The following RGL1 variants were observed in gnomAD, a reference collection of about 807,000 sequenced individuals.
RGL1 encodes ral guanine nucleotide dissociation stimulator like 1, also known as ral guanine nucleotide dissociation stimulator-like 1.
A neutral mutation model predicts 95.2 loss-of-function variants in RGL1; 24 were observed. That is an observed-to-expected ratio of 0.25 (90% CI 0.18 to 0.35). The LOEUF is 0.35. Among genes scored for constraint, RGL1 ranks in the 10% least tolerant of loss-of-function variants. RGL1 has a pLI of 1.00. For missense variants in RGL1, 715 were observed against 936.3 expected, an observed-to-expected ratio of 0.76 and a Z score of 3.08; for synonymous variants, 329 against 344.9, an observed-to-expected ratio of 0.95 and a Z score of 0.51.
chr1:183,900,027 AG>A, intron 10 of RGL1, 122 bp from the exon 11 acceptor site: 1 of 616,904 alleles, frequency 1.6e-6, no homozygotes, highest in South Asian at 2.1e-5. Flanking sequence ...TTATTCATGG[AG>A]GTTAGCACCA....
In RGL1 at chr1:183,662,272, T is replaced by C. The variant is rs1436144882; in HGVS notation, c.-33+25771T>C. Among the ~76,000 whole-genome samples the C allele has an allele frequency of 2.0e-5, 3 of 150,526 alleles. No individual in the cohort carries two copies. In the East Asian group the frequency reaches 5.8e-4, roughly 29 times the overall value. On this transcript the variant is annotated intron_variant, in intron 1 of 18. Transcript: ENST00000304685. ...ATTAGGAAAAGATGAAGTCAAATTGTCCCTGTTTGCAGATGACATGATTGT... is the reference window on the plus strand; with the variant it reads ...ATTAGGAAAAGATGAAGTCAAATTGCCCCTGTTTGCAGATGACATGATTGT...
At chr1:183,805,966 CTTTTCTTTTTTTTTTTTTTTTTTTTTTT>C (rs1661279915) in intron 1 of RGL1, among the ~76,000 whole-genome samples, 1 of 28,402 alleles carries the variant, frequency 3.5e-5, no homozygotes, top group Non-Finnish European at 7.8e-5. Flanking sequence ...TTTTTCTTTT[CTTTTCTTTTTTTTTTTTTTTTTTTTTTT>C]TTTTTTTTTT....
In RGL1 at chr1:183,928,489, C is replaced by T. The variant is rs184230406; in HGVS notation, c.*2197C>T. On this transcript the variant is annotated 3_prime_UTR_variant, in exon 18 of 18. Transcript: ENST00000360851. ...TTTACCTTTTGGTTAAACTAATAAA[C>T]TAGTTTGGGACTTGGCTGGCATGTG... 1 of 152,628 alleles carries T rather than the reference C, an allele frequency of 6.6e-6. No individual in the cohort carries two copies. The highest frequency in any genetic ancestry group is 1.9e-4 in the East Asian group (1 of 5,178). The allele number at this position is 152,628 out of a possible 1,614,324, so 9.5% of individuals were successfully genotyped here.
chr1:183,671,801 A>G (rs1652472913), intron 1 of RGL1, among the ~76,000 whole-genome samples: 1 of 152,202 alleles, frequency 6.6e-6, no homozygotes, highest in Non-Finnish European at 1.5e-5. Flanking sequence ...CTGTAGACTC[A>G]GTAGGGCATA....
At chr1:183,636,254 G>A (rs1196193433) in exon 1 of RGL1, 1 of 398,986 alleles carries the variant, frequency 2.5e-6, no homozygotes, top group East Asian at 3.6e-5. Context: ...CGAGTGCCCT[G>A]CAGTTGGTAG....
chr1:183,881,428 T>C (rs1666821869), intron 5 of RGL1, among the ~76,000 whole-genome samples: 1 of 152,232 alleles, frequency 6.6e-6, no homozygotes, highest in African/African-American at 2.4e-5. Flanking sequence ...ATTAACTTCC[T>C]ATTTGCAAGG....
chr1:183,719,655 C>T (rs1655870520), intron 1 of RGL1, among the ~76,000 whole-genome samples: 1 of 152,182 alleles, frequency 6.6e-6, no homozygotes, highest in Non-Finnish European at 1.5e-5. Flanking sequence ...CCTACAATCC[C>T]AGCACTTTGG....
In RGL1 at chr1:183,724,337, C is replaced by T. The variant is rs1028044212; in HGVS notation, c.-32-17789C>T. On this transcript the variant is annotated intron_variant, in intron 1 of 18. Coordinates refer to the RGL1 transcript ENST00000304685. The surrounding 1 kb of genome is among the most constrained non-coding windows in gnomAD (Gnocchi z 4.1). ...AGCTTAGGTACCAGCTCAGCCACAG[C>T]AGGGTAGAGCACTAAGTGGGCTCTT... Among the ~76,000 whole-genome samples, 1 of 152,154 alleles carries T rather than the reference C, an allele frequency of 6.6e-6. No homozygotes were observed. The highest frequency in any genetic ancestry group is 2.4e-5 in the African/African-American group (1 of 41,428).
chr1:183,768,856 T>A (rs927659419), intron 2 of RGL1, among the ~76,000 whole-genome samples: 1 of 152,234 alleles, frequency 6.6e-6, no homozygotes, highest in Admixed American at 6.5e-5. Flanking sequence ...TTATTCTTAG[T>A]ATCCTTAAGT....
chr1:183,872,128 TA>T (rs896319279), intron 4 of RGL1, among the ~76,000 whole-genome samples: 2 of 152,234 alleles, frequency 1.3e-5, no homozygotes, highest in Non-Finnish European at 1.5e-5. Context: ...TTTTACACGA[TA>T]AAATGCTATC....
intron 2 of RGL1, among the ~76,000 whole-genome samples, chr1:183,762,007 C>A (rs1658690602): frequency 1.3e-5 from 2 of 152,192 alleles, no homozygotes. Context: ...GGGCTTTGCT[C>A]TGGATTAGGC....
intron 1 of RGL1, among the ~76,000 whole-genome samples, chr1:183,691,575 A>G (rs1653946797): frequency 6.6e-6 from 1 of 152,244 alleles, no homozygotes; most frequent in Non-Finnish European, 1.5e-5. Context: ...AAGTTTATGC[A>G]AACGAATAAT....
At chr1:183,913,019 T>G (rs1368896604) in intron 15 of RGL1, among the ~76,000 whole-genome samples, 1 of 152,016 alleles carries the variant, frequency 6.6e-6, no homozygotes, top group East Asian at 1.9e-4. Context: ...CAGGGGAAGA[T>G]GAGGGATTGG....
chr1:183,925,669 T>C (rs1669574343), intron 17 of RGL1, among the ~76,000 whole-genome samples: 1 of 152,226 alleles, frequency 6.6e-6, no homozygotes, highest in Non-Finnish European at 1.5e-5. Flanking sequence ...TTCTGTTTTT[T>C]CTATGTCATT....
chr1:183,827,860 TA>T (rs1269847284), intron 2 of RGL1, among the ~76,000 whole-genome samples: 1 of 152,238 alleles, frequency 6.6e-6, no homozygotes, highest in Admixed American at 6.5e-5. Flanking sequence ...GTCCCCACTT[TA>T]ATTAGAATGA....
chr1:183,797,555 C>T (rs1454999132), intron 2 of RGL1, among the ~76,000 whole-genome samples: 1 of 152,146 alleles, frequency 6.6e-6, no homozygotes, highest in African/African-American at 2.4e-5. Flanking sequence ...AATAACAGAG[C>T]ATTGAGAATT....
At chr1:183,862,455 T>G (rs1665569215) in intron 3 of RGL1, among the ~76,000 whole-genome samples, 1 of 152,266 alleles carries the variant, frequency 6.6e-6, no homozygotes, top group African/African-American at 2.4e-5. Context: ...GGCTCTTTCC[T>G]TTTATCTCAC....
chr1:183,839,878 A>G (rs750930937), intron 2 of RGL1, among the ~76,000 whole-genome samples: 3 of 152,230 alleles, frequency 2.0e-5, no homozygotes, highest in African/African-American at 2.4e-5. Flanking sequence ...CTCCTATAAC[A>G]AAAGACAGGT....
chr1:183,904,755 T>G (rs759965563), intron 12 of RGL1, 95 bp from the exon 13 acceptor site: 10 of 1,295,600 alleles, frequency 7.7e-6, no homozygotes, highest in Non-Finnish European at 8.5e-6. Flanking sequence ...TCTTTTATCC[T>G]AATGTGGTAT....
Sources: gnomAD v4.1 joint callset for allele counts (sites outside exome capture counted in the v4.1 genomes callset) on GRCh38, gnomAD v4.1.1 for gene constraint, Gnocchi (gnomAD v3.1) non-coding constraint, MANE v1.5 for transcripts, NCBI Gene and HGNC (gene_info 2026-07-23, HGNC 2026-07-21) for gene names.